SAMD12: variants seen among roughly 807,000 people sequenced by gnomAD.
SAMD12 encodes the protein sterile alpha motif domain-containing protein 12.
A neutral mutation model predicts 15.0 loss-of-function variants in SAMD12; 9 were observed. The observed-to-expected ratio is 0.60, with a 90% CI of 0.36 to 1.05. The LOEUF (loss-of-function observed/expected upper bound fraction) is 1.05. SAMD12 is among the 50% of genes least tolerant of loss of function. SAMD12 has a pLI of 0.01. For synonymous variants in SAMD12, 86 were observed against 90.1 expected (o/e 0.96, Z 0.25); for missense variants, 230 against 234.2 (o/e 0.98, Z 0.12).
intron 1 of SAMD12, among the ~76,000 whole-genome samples, chr8:118,584,936 CACACACACACACACACACAA>C (rs1182220460): frequency 2.6e-5 from 4 of 151,398 alleles, no homozygotes; most frequent in Non-Finnish European, 5.9e-5. Flanking sequence ...CACACACACA[CACACACACACACACACACAA>C]ACACACACAC....
At chr8:118,336,548 T>C (rs948470272) in intron 4 of SAMD12, among the ~76,000 whole-genome samples, 1 of 152,206 alleles carries the variant, frequency 6.6e-6, no homozygotes, top group African/African-American at 2.4e-5. Flanking sequence ...CGTAATGGGA[T>C]GGCTGGTTCA....
intron 4 of SAMD12, among the ~76,000 whole-genome samples, chr8:118,266,932 A>ATGTAT (rs1650562923): frequency 6.6e-6 from 1 of 152,166 alleles, no homozygotes; most frequent in South Asian, 2.1e-4. Flanking sequence ...TGGTAACTAC[A>ATGTAT]GTTAATAACA....
At chr8:118,207,645 G>C (rs760237927) in intron 4 of SAMD12, among the ~76,000 whole-genome samples, 1 of 152,136 alleles carries the variant, frequency 6.6e-6, no homozygotes, top group Non-Finnish European at 1.5e-5. Context: ...ACAGAGCACA[G>C]AGCCTTGTGT....
chr8:118,477,388 A>G (rs1204207370), intron 2 of SAMD12, among the ~76,000 whole-genome samples: 1 of 152,122 alleles, frequency 6.6e-6, no homozygotes, highest in East Asian at 1.9e-4. Flanking sequence ...TTGATGTTCA[A>G]TTCAGAATGG....
intron 2 of SAMD12, among the ~76,000 whole-genome samples, chr8:118,573,212 G>A (rs1827066757): frequency 6.6e-6 from 1 of 152,114 alleles, no homozygotes; most frequent in Non-Finnish European, 1.5e-5. Context: ...AGCTTCCTGA[G>A]TAGCTGGGAC....
At chr8:118,325,237 T>G (rs1026519725) in intron 4 of SAMD12, among the ~76,000 whole-genome samples, 1 of 152,168 alleles carries the variant, frequency 6.6e-6, no homozygotes, top group Non-Finnish European at 1.5e-5. Flanking sequence ...CTAATTTCAT[T>G]TTTTAAATAG....
intron 3 of SAMD12, among the ~76,000 whole-genome samples, chr8:118,408,350 G>A (rs762843073): frequency 1.5e-4 from 23 of 152,206 alleles, no homozygotes; most frequent in East Asian, 3.9e-4. Flanking sequence ...CGTCAAACCC[G>A]CTCAGCAGTT....
chr8:118,427,005 G>GGAGAA (rs1164490371), intron 3 of SAMD12, among the ~76,000 whole-genome samples: 1 of 152,154 alleles, frequency 6.6e-6, no homozygotes, highest in East Asian at 1.9e-4. Context: ...AGAATCTCAA[G>GGAGAA]GAGAAGAGAA....
exon 5 of SAMD12, chr8:118,197,676 C>T: frequency 4.4e-6 from 7 of 1,592,694 alleles, no homozygotes; most frequent in Non-Finnish European, 6.0e-6. Context: ...TTCATATCAA[C>T]TGGCAGGACA....
chr8:118,528,160 G>A (rs1586789236), intron 2 of SAMD12, among the ~76,000 whole-genome samples: 1 of 152,164 alleles, frequency 6.6e-6, no homozygotes, highest in Non-Finnish European at 1.5e-5. Context: ...CCAAGTAGCT[G>A]GGATTACAGG....
intron 4 of SAMD12, among the ~76,000 whole-genome samples, chr8:118,271,181 G>A (rs1369408585): frequency 6.6e-6 from 1 of 152,194 alleles, no homozygotes; most frequent in Non-Finnish European, 1.5e-5. Flanking sequence ...CAGCATGGCT[G>A]AGAGGCCTCA....
chr8:118,159,430 G>C, the SAMD12 span, among the ~76,000 whole-genome samples: 2 of 152,134 alleles, frequency 1.3e-5, no homozygotes, highest in Non-Finnish European at 2.9e-5. Flanking sequence ...CTCTTTGTCT[G>C]GTTTGCCCTT....
chr8:118,607,698 C>T (rs756963087), intron 1 of SAMD12, among the ~76,000 whole-genome samples: 3 of 151,906 alleles, frequency 2.0e-5, no homozygotes, highest in Non-Finnish European at 4.4e-5. Flanking sequence ...TGAAGATTAA[C>T]GAGTTAATAT....
chr8:118,354,384 C>T (rs772218240), intron 4 of SAMD12, among the ~76,000 whole-genome samples: 12 of 152,102 alleles, frequency 7.9e-5, no homozygotes, highest in South Asian at 2.1e-4. Flanking sequence ...TCCTTTCCTC[C>T]GTAATTTTCA....
chr8:118,548,705 G>A (rs887180114), intron 2 of SAMD12, among the ~76,000 whole-genome samples: 6 of 152,222 alleles, frequency 3.9e-5, no homozygotes, highest in Admixed American at 1.3e-4. Context: ...CACCGTGCGC[G>A]AGCCGAAGCA....
chr8:118,191,789 TATATATATATATATATATATATAG>T (rs1223892955), exon 5 of SAMD12: 31 of 55,200 alleles, frequency 5.6e-4, no homozygotes, highest in Non-Finnish European at 8.9e-4. Flanking sequence ...TATATATATA[TATATATATATATATATATATATAG>T]AGAGAGAGAG....
chr8:118,585,903 C>T (rs1461389898), intron 1 of SAMD12, among the ~76,000 whole-genome samples: 1 of 152,212 alleles, frequency 6.6e-6, no homozygotes, highest in African/African-American at 2.4e-5. Flanking sequence ...GGTGCATTGG[C>T]ATCTGCTGTC....
At chr8:118,277,889 G>T (rs2130140016) in intron 4 of SAMD12, among the ~76,000 whole-genome samples, 1 of 152,214 alleles carries the variant, frequency 6.6e-6, no homozygotes, top group Non-Finnish European at 1.5e-5. Context: ...TCTTCTCAGA[G>T]CTGGGAAAAA....
chr8:118,409,556 T>C (rs1253474268), intron 3 of SAMD12, among the ~76,000 whole-genome samples: 1 of 152,042 alleles, frequency 6.6e-6, no homozygotes, highest in African/African-American at 2.4e-5. Context: ...TTAAAATTTA[T>C]TTACTTTTTA....
Sources: gnomAD v4.1 joint callset for allele counts (sites outside exome capture counted in the v4.1 genomes callset) on GRCh38, gnomAD v4.1.1 for gene constraint, MANE v1.5 for transcripts, NCBI Gene and HGNC (gene_info 2026-07-23, HGNC 2026-07-21) for gene names.